KANSL1: variants seen among roughly 807,000 people sequenced by gnomAD.
KANSL1 encodes the protein MLL1/MLL complex subunit KANSL1.
KANSL1 carries 22 observed loss-of-function variants against 103.6 expected under a neutral mutation model. The ratio of observed to expected loss-of-function variants is 0.21; its 90% CI spans 0.15 to 0.30. KANSL1 has a LOEUF of 0.30. KANSL1 is among the 10% of genes least tolerant of loss of function. KANSL1 has a pLI of 1.00. For synonymous variants in KANSL1, 600 were observed against 527.6 expected (o/e 1.14, Z -1.88); for missense variants, 1,337 against 1,399.8 (o/e 0.96, Z 0.72).
intron 3 of KANSL1, among the ~76,000 whole-genome samples, chr17:46,082,926 A>G (rs2079037004): frequency 6.6e-6 from 1 of 152,244 alleles, no homozygotes; most frequent in Non-Finnish European, 1.5e-5. Flanking sequence ...TACTAAGCTG[A>G]AAATGCTACT....
At chr17:46,163,740 TCA>T (rs1397304048) in intron 2 of KANSL1, among the ~76,000 whole-genome samples, 62 of 152,340 alleles carry the variant, frequency 4.1e-4, no homozygotes, top group African/African-American at 1.4e-3. Flanking sequence ...CCCCCACACA[TCA>T]CAGTTATTAA....
intron 4 of KANSL1, among the ~76,000 whole-genome samples, chr17:46,070,470 C>T (rs2078534803): frequency 6.6e-6 from 1 of 152,072 alleles, no homozygotes; most frequent in South Asian, 2.1e-4. Context: ...AAACCAAATA[C>T]CCTCCTGAAT....
chr17:46,077,039 C>A (rs771215078), intron 4 of KANSL1, among the ~76,000 whole-genome samples: 1 of 152,100 alleles, frequency 6.6e-6, no homozygotes, highest in Non-Finnish European at 1.5e-5. Flanking sequence ...ATTGCATTAG[C>A]CAAGACAGAG....
intron 2 of KANSL1, among the ~76,000 whole-genome samples, chr17:46,131,947 T>C (rs62063203): frequency 0.14 from 21,675 of 151,180 alleles, 2,123 homozygotes; most frequent in Non-Finnish European, 0.22. Context: ...GACAACATGG[T>C]GAAACTCTGT....
At chr17:46,121,109 C>T (rs1453964673) in intron 2 of KANSL1, among the ~76,000 whole-genome samples, 2 of 152,124 alleles carry the variant, frequency 1.3e-5, no homozygotes, top group African/African-American at 4.8e-5. Flanking sequence ...TTAATTCTCA[C>T]ACTTTACCAC....
chr17:46,136,370 C>T (rs1319513649), intron 2 of KANSL1, among the ~76,000 whole-genome samples: 2 of 152,196 alleles, frequency 1.3e-5, no homozygotes, highest in African/African-American at 4.8e-5. Context: ...TTTACATATG[C>T]ATGCACATGT....
chr17:46,150,921 TTC>T (rs1461415670), intron 2 of KANSL1, among the ~76,000 whole-genome samples: 1 of 96,762 alleles, frequency 1.0e-5, no homozygotes. Flanking sequence ...AAGATCCCTA[TTC>T]TGTCAAAAAA....
intron 2 of KANSL1, among the ~76,000 whole-genome samples, chr17:46,167,396 G>C (rs1024125335): frequency 6.6e-6 from 1 of 152,130 alleles, no homozygotes; most frequent in Admixed American, 6.5e-5. Flanking sequence ...CTACAATTAA[G>C]AATTAAACAT....
intron 2 of KANSL1, among the ~76,000 whole-genome samples, chr17:46,147,193 TA>T (rs2044755235): frequency 6.6e-6 from 1 of 152,166 alleles, no homozygotes; most frequent in East Asian, 1.9e-4. Context: ...TCAATATGCT[TA>T]AAATACAACA....
At chr17:46,081,486 G>T (rs1431804098) in intron 4 of KANSL1, among the ~76,000 whole-genome samples, 2 of 152,166 alleles carry the variant, frequency 1.3e-5, no homozygotes, top group Non-Finnish European at 2.9e-5. Context: ...CTACTTTCCA[G>T]TTAAGAACTA....
intron 2 of KANSL1, among the ~76,000 whole-genome samples, chr17:46,146,504 G>A (rs1400903398): frequency 6.6e-6 from 1 of 152,160 alleles, no homozygotes; most frequent in Non-Finnish European, 1.5e-5. Flanking sequence ...TACCCCATAG[G>A]CAGAGAGTAG....
Position 46,050,515 on chromosome 17 carries a change from G to A in KANSL1, c.2020+18C>T. On this transcript the variant is annotated intron_variant, in intron 7 of 14. Transcript: ENST00000432791. Reference sequence around the variant, plus strand: ...CAAGTTTCTTTCATTAGACTTTCTAGTCTGTGGTCTTTCTTACCATCTGGA... The same window carrying A: ...CAAGTTTCTTTCATTAGACTTTCTAATCTGTGGTCTTTCTTACCATCTGGA... 1 of 1,612,044 alleles carries A rather than the reference G, an allele frequency of 6.2e-7. No homozygotes were observed. Among genetic ancestry groups the A allele is most frequent in the East Asian group, 2.2e-5 (1 of 44,828 alleles).
chr17:46,213,736 G>A (rs1347427325), intron 1 of KANSL1, among the ~76,000 whole-genome samples: 1 of 151,766 alleles, frequency 6.6e-6, no homozygotes, highest in African/African-American at 2.4e-5. Context: ...TGGCCAACAT[G>A]GTGAAACCCT....
intron 1 of KANSL1, among the ~76,000 whole-genome samples, chr17:46,205,430 C>T (rs140593577): frequency 0.013 from 1,969 of 152,030 alleles, 26 homozygotes; most frequent in Middle Eastern, 0.014. Context: ...ACCTGTAATC[C>T]CAGCACTTTG....
chr17:46,105,865 TCACACACACACACA>T (rs373943708), intron 2 of KANSL1, among the ~76,000 whole-genome samples: 20,361 of 133,858 alleles, frequency 0.15, 1,691 homozygotes, highest in East Asian at 0.48. Flanking sequence ...AGCAAGACCT[TCACACACACACACA>T]CACACACACA....
intron 2 of KANSL1, among the ~76,000 whole-genome samples, chr17:46,164,764 A>G (rs2045912922): frequency 6.6e-6 from 1 of 152,254 alleles, no homozygotes; most frequent in Admixed American, 6.5e-5. Context: ...TTAAAGATAA[A>G]CAGTCACATT....
chr17:46,073,298 T>A (rs1027470767), intron 4 of KANSL1, among the ~76,000 whole-genome samples: 3 of 152,202 alleles, frequency 2.0e-5, no homozygotes, highest in Admixed American at 1.3e-4. Flanking sequence ...TAAAGTAGGA[T>A]GAGCAAGGAA....
At chr17:46,070,793 A>G (rs1251471281) in intron 4 of KANSL1, among the ~76,000 whole-genome samples, 2 of 152,084 alleles carry the variant, frequency 1.3e-5, no homozygotes, top group African/African-American at 2.4e-5. Flanking sequence ...GGTATATATA[A>G]TTTATATGGT....
At position 46,171,846 on chromosome 17, in the gene KANSL1, C is replaced by G. The variant is rs766155678; in HGVS notation, c.298G>C (p.Gly100Arg). The stretch of plus-strand genomic sequence containing the variant: ...AGGACTGTCTGCTTGCTGAAGACCC[C>G]TTGCAACTTCAAAGACTCCTTTGAG... ...VPSKESLKLQ[G>R]VFSKQTVLKS... The change falls in exon 2 of 15, where the codon GGG (glycine) becomes CGG (arginine). Residue 100 changes from glycine (G) to arginine (R), a missense_variant. By Grantham distance (125) the Gly-to-Arg change is moderately radical. Transcript: ENST00000432791. 5.6e-6 allele frequency: 9 copies of G among 1,614,208 alleles called. No individual in the cohort carries two copies. Among genetic ancestry groups the G allele is most frequent in the Middle Eastern group, 1.6e-4 (1 of 6,062 alleles).
Sources: allele counts gnomAD v4.1 joint callset (sites outside exome capture counted in the v4.1 genomes callset), GRCh38; gene constraint gnomAD v4.1.1; transcripts MANE v1.5; gene names NCBI Gene and HGNC (gene_info 2026-07-23, HGNC 2026-07-21).